The following RTL4 variants were observed in gnomAD, a reference collection of about 807,000 sequenced individuals.
The protein encoded by RTL4 is retrotransposon Gag like 4.
Under a neutral mutation model 5.3 loss-of-function variants are expected in RTL4, and 4 were observed. The observed-to-expected ratio is 0.75, with a 90% CI of 0.37 to 1.72. The LOEUF (loss-of-function observed/expected upper bound fraction) is 1.72, where lower values mean the gene tolerates loss of function less well. Among genes scored for constraint, RTL4 ranks in the 40% most tolerant of loss-of-function variants. The pLI, the probability that RTL4 is intolerant of heterozygous loss-of-function variation, is 0.04. For missense variants in RTL4, 260 were observed against 227.1 expected (o/e 1.14, Z -0.93); for synonymous variants, 98 against 87.3 (o/e 1.12, Z -0.68).
the RTL4 span, among the ~76,000 whole-genome samples, chrX:112,167,075 C>CA: frequency 9.0e-6 from 1 of 111,129 alleles, no homozygotes; most frequent in Non-Finnish European, 1.9e-5. Flanking sequence ...TGAGATGAGA[C>CA]AAAAACCTCC....
At chrX:112,370,748 C>G in the RTL4 span, among the ~76,000 whole-genome samples, 22 of 111,129 alleles carry the variant, frequency 2.0e-4, no homozygotes, top group Admixed American at 2.0e-3. Flanking sequence ...TTGCACAGTA[C>G]TTATCATCAC....
the RTL4 span, among the ~76,000 whole-genome samples, chrX:112,210,908 CATAAG>C: frequency 8.9e-6 from 1 of 112,402 alleles, no homozygotes; most frequent in Admixed American, 9.4e-5. Flanking sequence ...TCCACTATAA[CATAAG>C]ATATGTGTTT....
At chrX:112,252,483 C>T in the RTL4 span, among the ~76,000 whole-genome samples, 16 of 111,970 alleles carry the variant, frequency 1.4e-4, no homozygotes, top group African/African-American at 5.2e-4. Context: ...TTGTGAGAGA[C>T]AGATTGTATA....
chrX:112,166,916 C>A, the RTL4 span, among the ~76,000 whole-genome samples: 1 of 111,825 alleles, frequency 8.9e-6, no homozygotes, highest in Admixed American at 9.5e-5. Flanking sequence ...ACTAAGATGA[C>A]TTTCTAAGTC....
chrX:112,177,021 G>T, the RTL4 span, among the ~76,000 whole-genome samples: 12 of 109,701 alleles, frequency 1.1e-4, no homozygotes, highest in African/African-American at 3.7e-4. Flanking sequence ...TTTTGTGGCT[G>T]TATTCCACTG....
the RTL4 span, among the ~76,000 whole-genome samples, chrX:112,122,890 T>A: frequency 3.6e-5 from 4 of 111,731 alleles, no homozygotes; most frequent in Non-Finnish European, 5.7e-5. Flanking sequence ...TATTTTTAAA[T>A]TTTTCAATAT....
the RTL4 span, among the ~76,000 whole-genome samples, chrX:112,161,788 T>TCTTCCTTCCTTCCTTC: frequency 4.0e-5 from 3 of 75,456 alleles, no homozygotes; most frequent in African/African-American, 1.5e-4. Flanking sequence ...AGGTTGCTTT[T>TCTTCCTTCCTTCCTTC]CTTCCTTCCT....
At chrX:112,094,088 G>A in the RTL4 span, among the ~76,000 whole-genome samples, 1 of 111,788 alleles carries the variant, frequency 8.9e-6, no homozygotes, top group East Asian at 2.8e-4. Context: ...GATTGGTGGG[G>A]AAGAAGAGTA....
At chrX:112,316,323 GTA>G in the RTL4 span, among the ~76,000 whole-genome samples, 1 of 111,821 alleles carries the variant, frequency 8.9e-6, no homozygotes, top group Non-Finnish European at 1.9e-5. Flanking sequence ...GCTTAGGCAT[GTA>G]TTATTTTGAG....
the RTL4 span, among the ~76,000 whole-genome samples, chrX:112,288,223 A>T: frequency 8.9e-6 from 1 of 112,420 alleles, no homozygotes; most frequent in Non-Finnish European, 1.9e-5. Context: ...GTCTACTGTT[A>T]TAGAAATAAA....
At chrX:112,288,239 G>T in the RTL4 span, among the ~76,000 whole-genome samples, 1 of 112,279 alleles carries the variant, frequency 8.9e-6, no homozygotes, top group Non-Finnish European at 1.9e-5. Context: ...ATAAACCAAA[G>T]AAATAGTTCA....
chrX:112,126,890 A>G, the RTL4 span, among the ~76,000 whole-genome samples: 13 of 111,873 alleles, frequency 1.2e-4, no homozygotes, highest in African/African-American at 4.2e-4. Flanking sequence ...GACCTATAAA[A>G]AGTTTTTTAA....
chrX:112,327,459 A>G, the RTL4 span, among the ~76,000 whole-genome samples: 1 of 110,310 alleles, frequency 9.1e-6, no homozygotes, highest in Non-Finnish European at 1.9e-5. Context: ...TTAGAGAAAA[A>G]AGAATAAAAA....
At chrX:112,215,346 C>T in the RTL4 span, among the ~76,000 whole-genome samples, 5 of 111,658 alleles carry the variant, frequency 4.5e-5, no homozygotes, top group East Asian at 2.8e-4. Flanking sequence ...TGCACTATTT[C>T]GAGTACCTTT....
the RTL4 span, among the ~76,000 whole-genome samples, chrX:112,109,829 G>C: frequency 9.0e-6 from 1 of 111,605 alleles, no homozygotes; most frequent in Non-Finnish European, 1.9e-5. Context: ...CTGCTGGATA[G>C]GGGCGAAGAA....
chrX:112,288,469 T>C, the RTL4 span, among the ~76,000 whole-genome samples: 3 of 112,193 alleles, frequency 2.7e-5, no homozygotes, highest in Non-Finnish European at 5.6e-5. Flanking sequence ...AGTGTGCCAA[T>C]ATTCAACCTT....
chrX:112,429,102 C>G, the RTL4 span, among the ~76,000 whole-genome samples: 1 of 111,336 alleles, frequency 9.0e-6, no homozygotes, highest in African/African-American at 3.3e-5. Context: ...TACACTCTGA[C>G]AGTCTGTCTT....
the RTL4 span, among the ~76,000 whole-genome samples, chrX:112,122,492 TAGAA>T: frequency 0.012 from 1,320 of 110,195 alleles, 11 homozygotes; most frequent in African/African-American, 0.027. Flanking sequence ...AAAAAATAGT[TAGAA>T]AGAATAAATA....
the RTL4 span, among the ~76,000 whole-genome samples, chrX:112,346,548 G>A: frequency 4.5e-5 from 5 of 111,440 alleles, no homozygotes; most frequent in Admixed American, 2.9e-4. Context: ...TTGGAGTCAC[G>A]AAGAATGGCT....
Sources: allele counts gnomAD v4.1 joint callset (sites outside exome capture counted in the v4.1 genomes callset), GRCh38; gene constraint gnomAD v4.1.1; transcripts MANE v1.5; gene names NCBI Gene and HGNC (gene_info 2026-07-23, HGNC 2026-07-21).